Variants in EVC2 observed in about 807,000 individuals in gnomAD.
EVC2 encodes the protein EvC ciliary complex subunit 2.
In EVC2, 148 loss-of-function variants were observed where a neutral mutation model predicts 149.3. That is an observed-to-expected ratio of 0.99 (90% CI 0.87 to 1.14). EVC2 has a LOEUF of 1.14. Among genes scored for constraint, EVC2 ranks in the 50% most tolerant of loss-of-function variants. The pLI is 0.00. For synonymous variants in EVC2, 776 were observed against 649.9 expected, an observed-to-expected ratio of 1.19 and a Z score of -2.95; for missense variants, 1,854 against 1,627.3, an observed-to-expected ratio of 1.14 and a Z score of -2.40.
At chr4:5,547,153 C>T (rs1054821886) in intron 21 of EVC2, among the ~76,000 whole-genome samples, 2 of 152,258 alleles carry the variant, frequency 1.3e-5, no homozygotes, top group Non-Finnish European at 2.9e-5. Flanking sequence ...CTGCTCCGAT[C>T]TCAGAGCAAA....
chr4:5,593,556 G>A (rs751141240), intron 16 of EVC2, among the ~76,000 whole-genome samples: 1 of 152,208 alleles, frequency 6.6e-6, no homozygotes, highest in African/African-American at 2.4e-5. Context: ...AAATATAAAT[G>A]TGCATTTGAA....
rs1383803030 is a variant in EVC2 at position 5,708,433 on chromosome 4, GC to G, written c.80del (p.Gly27AlafsTer34). On this transcript the variant is annotated frameshift_variant, in exon 1 of 22. Transcript: ENST00000344408. LOFTEE classifies it high-confidence loss of function. Reference sequence around the variant, plus strand: ...GTGAGCTGGCGCCGAGACAGCCTCGGCCCCCCAGCGCCAGGGCCACTGCCAG... The same window carrying G: ...GTGAGCTGGCGCCGAGACAGCCTCGGCCCCCAGCGCCAGGGCCACTGCCAG... Reference protein sequence around the residue: ...GLLAVALALGGRGCLGASSRP... With the variant: ...GLLAVALALGXRGCLGASSRP... The G allele has an allele frequency of 5.3e-6, 8 of 1,503,862 alleles. No homozygotes were observed. The highest frequency in any genetic ancestry group is 2.1e-5 in the Admixed American group (1 of 47,986). The allele number at this position is 1,503,862 out of a possible 1,614,324, so 93.2% of individuals were successfully genotyped here.
At chr4:5,540,211 A>G (rs116465256), downstream of EVC2, among the ~76,000 whole-genome samples, 1,776 of 152,358 alleles carry the variant, frequency 0.012, 31 homozygotes, top group Admixed American at 0.045. Flanking sequence ...TGGAGGAACC[A>G]GAACTCCCCT....
At chr4:5,665,097 T>G (rs1173682680) in intron 8 of EVC2, among the ~76,000 whole-genome samples, 1 of 151,960 alleles carries the variant, frequency 6.6e-6, no homozygotes, top group African/African-American at 2.4e-5. Flanking sequence ...TGATGGGCTT[T>G]GTATGGGGTA....
intron 9 of EVC2, among the ~76,000 whole-genome samples, chr4:5,658,828 A>C (rs1455132665): frequency 6.6e-6 from 1 of 152,224 alleles, no homozygotes; most frequent in Admixed American, 6.5e-5. Flanking sequence ...CGCAGGCGAG[A>C]GGTGTGTGGC....
In EVC2 at chr4:5,694,650, A is replaced by G. The variant is rs953533871; in HGVS notation, c.284-149T>C. The G allele has an allele frequency of 3.5e-6, 3 of 859,356 alleles. No homozygotes were observed. The African/African-American group carries it at 5.0e-5, about 14-fold the overall frequency. 53.2% of individuals were successfully genotyped at this position (859,356 alleles called of 1,614,324 possible). A position where few individuals can be genotyped will look rare whatever the true frequency, so the allele number is the denominator to read the frequency against. ...AGTTAATGAAGGAATGAATGATATCATCTCTTTGCCAGGAAAATGAGACAT... is the reference window on the plus strand; with the variant it reads ...AGTTAATGAAGGAATGAATGATATCGTCTCTTTGCCAGGAAAATGAGACAT... On this transcript the variant is annotated intron_variant, in intron 2 of 21. Transcript: ENST00000344408.
intron 12 of EVC2, among the ~76,000 whole-genome samples, chr4:5,627,717 C>G (rs998284971): frequency 1.3e-5 from 2 of 152,136 alleles, no homozygotes; most frequent in Non-Finnish European, 2.9e-5. Flanking sequence ...TCTGTGACAC[C>G]ACCATACACT....
At chr4:5,705,422 T>C (rs1395446128) in intron 1 of EVC2, among the ~76,000 whole-genome samples, 1 of 152,230 alleles carries the variant, frequency 6.6e-6, no homozygotes, top group Non-Finnish European at 1.5e-5. Flanking sequence ...CTTTTGTTTG[T>C]GCTGATTATA....
At chr4:5,689,012 CCT>C in intron 5 of EVC2, 143 bp downstream of exon 5, 1 of 863,864 alleles carries the variant, frequency 1.2e-6, no homozygotes, top group Non-Finnish European at 1.8e-6. Context: ...TTTTTGATAC[CCT>C]GATAGTAAGA....
At chr4:5,650,674 C>T (rs1481884169) in intron 9 of EVC2, among the ~76,000 whole-genome samples, 15 of 65,418 alleles carry the variant, frequency 2.3e-4, no homozygotes, top group Admixed American at 1.6e-3. Flanking sequence ...GAGAGAGAGC[C>T]ATTTAATCAT....
At chr4:5,663,076 G>A in intron 9 of EVC2, 31 bp downstream of exon 9, 1 of 1,613,206 alleles carries the variant, frequency 6.2e-7, no homozygotes, top group Non-Finnish European at 8.5e-7. Context: ...CATCACATGT[G>A]TGTAAGTATA....
At position 5,562,953 on chromosome 4, in the gene EVC2, T is replaced by C; in HGVS notation, c.3822A>G (p.Ile1274Met). 2 of 1,614,124 alleles carry C rather than the reference T, an allele frequency of 1.2e-6. No homozygotes were observed. Among genetic ancestry groups the C allele is most frequent in the Non-Finnish European group, 1.7e-6 (2 of 1,180,012 alleles). Reference sequence around the variant, plus strand: ...TCTCTGGCTCCTTTGGATTTCTGAATATAAAGAGCTTCTCTCCTGTGTTTA... The same window carrying C: ...TCTCTGGCTCCTTTGGATTTCTGAACATAAAGAGCTTCTCTCCTGTGTTTA... The part of the protein sequence containing the change: ...DLLNTGEKLF[I>M]FRNPKEPEIS... The change falls in exon 22 of 22, where the codon ATA (isoleucine) becomes ATG (methionine). Residue 1274 changes from isoleucine (I) to methionine (M), a missense_variant. Physicochemically the swap from Ile to Met is conservative, Grantham distance 10. Transcript: ENST00000344408. The surrounding 1 kb of genome is among the most constrained non-coding windows in gnomAD (Gnocchi z 4.3).
chr4:5,705,088 T>C (rs1418420057), intron 1 of EVC2, among the ~76,000 whole-genome samples: 1 of 152,224 alleles, frequency 6.6e-6, no homozygotes, highest in Non-Finnish European at 1.5e-5. Flanking sequence ...TGTTACATCA[T>C]ATCTGGCTGA....
Position 5,613,163 on chromosome 4 carries a change from C to A in EVC2, c.2829+2259G>T, listed in dbSNP as rs1714983391. Among the ~76,000 whole-genome samples, 1 of 152,064 alleles carries A rather than the reference C, an allele frequency of 6.6e-6. No individual in the cohort carries two copies. The highest frequency in any genetic ancestry group is 1.5e-5 in the Non-Finnish European group (1 of 68,014). ...CTGGTGAGATGGCCCTTAGCTTTCT[C>A]AGCCTGGCCTTTGAGCAGGTTCCTC... is the stretch of plus-strand genomic sequence containing the variant. On this transcript the variant is annotated intron_variant, in intron 16 of 21. Transcript: ENST00000344408. This position sits in a 1 kb window ranked among gnomAD's most constrained non-coding sequence, Gnocchi z 4.6.
At chr4:5,534,057 G>A in the EVC2 span, among the ~76,000 whole-genome samples, 10 of 152,272 alleles carry the variant, frequency 6.6e-5, no homozygotes, top group East Asian at 1.9e-4. Flanking sequence ...TCTTAAGAGC[G>A]ATGAGGAGGC....
In EVC2 at chr4:5,691,313, T is replaced by C; in HGVS notation, c.471A>G (p.Glu157=). ...CTCCATTTTCAGAAGTCCCTTGAAC[T>C]TCTCTTGAAATGTCCCCATACTACA... ...THRLYGDISR[E]VQGTSENGVI... Residue 157 remains glutamate, a synonymous_variant, in exon 4 of 22, where the codon GAA becomes GAG. Coordinates refer to ENST00000344408, the MANE Select transcript of EVC2 (RefSeq NM_147127.5). 6.2e-7 allele frequency: 1 copy of C among 1,613,504 alleles called. No individual in the cohort carries two copies. The highest frequency in any genetic ancestry group is 8.5e-7 in the Non-Finnish European group (1 of 1,179,580).
chr4:5,577,474 G>A (rs529632962), intron 17 of EVC2, among the ~76,000 whole-genome samples: 1 of 152,246 alleles, frequency 6.6e-6, no homozygotes, highest in South Asian at 2.1e-4. Context: ...AGGTGGACAG[G>A]GTGTTAAATC....
intron 7 of EVC2, among the ~76,000 whole-genome samples, chr4:5,673,483 T>C (rs140349817): frequency 2.1e-3 from 324 of 152,306 alleles, no homozygotes; most frequent in Admixed American, 4.2e-3. Flanking sequence ...TGAGAATCAC[T>C]GTAAGTACAG....
chr4:5,690,412 T>G (rs538620250), intron 4 of EVC2, among the ~76,000 whole-genome samples: 14 of 151,932 alleles, frequency 9.2e-5, no homozygotes, highest in South Asian at 6.3e-4. Flanking sequence ...GTTGTTTTTT[T>G]TTTTTTTTTT....
Sources: allele counts gnomAD v4.1 joint callset (sites outside exome capture counted in the v4.1 genomes callset), GRCh38; gene constraint gnomAD v4.1.1; non-coding constraint Gnocchi (gnomAD v3.1); transcripts MANE v1.5; gene names NCBI Gene and HGNC (gene_info 2026-07-23, HGNC 2026-07-21).